Variants in ZNF248 observed in about 807,000 individuals in gnomAD.
The protein encoded by ZNF248 is zinc finger protein 248.
In ZNF248, 20 loss-of-function variants were observed where a neutral mutation model predicts 44.3. The ratio of observed to expected loss-of-function variants is 0.45; its 90% CI spans 0.32 to 0.66. The LOEUF is 0.66. ZNF248 is among the 30% of genes least tolerant of loss of function. The pLI, the probability that ZNF248 is intolerant of heterozygous loss-of-function variation, is 0.04. For synonymous variants in ZNF248, 224 were observed against 229.0 expected (o/e 0.98, Z 0.20); for missense variants, 654 against 677.0 (o/e 0.97, Z 0.38).
At chr10:37,764,385 C>T in the ZNF248 span, among the ~76,000 whole-genome samples, 9 of 152,162 alleles carry the variant, frequency 5.9e-5, no homozygotes, top group African/African-American at 2.2e-4. Flanking sequence ...AATGACAATG[C>T]GTGCCCGAAA....
At chr10:37,822,599 T>C (rs1253917635) in intron 6 of ZNF248, among the ~76,000 whole-genome samples, 3 of 152,156 alleles carry the variant, frequency 2.0e-5, no homozygotes, top group Non-Finnish European at 4.4e-5. Context: ...AAAATGTCTC[T>C]GTTATATTCA....
chr10:37,842,620 C>A (rs1373933375), intron 3 of ZNF248, among the ~76,000 whole-genome samples: 1 of 152,124 alleles, frequency 6.6e-6, no homozygotes, highest in Admixed American at 6.6e-5. Context: ...AGGACTGATG[C>A]AATATGCTTG....
chr10:37,775,473 T>A (rs2132768606), downstream of ZNF248: 1 of 152,230 alleles, frequency 6.6e-6, no homozygotes, highest in East Asian at 1.9e-4. Context: ...TTCAGCTTCC[T>A]AAAAACTGCT....
At chr10:37,764,142 T>C in the ZNF248 span, among the ~76,000 whole-genome samples, 2 of 152,180 alleles carry the variant, frequency 1.3e-5, no homozygotes, top group Non-Finnish European at 2.9e-5. Flanking sequence ...TATCACTGAA[T>C]TCTTTTTCTC....
At chr10:37,826,798 G>C (rs2054459205), downstream of ZNF248, among the ~76,000 whole-genome samples, 1 of 152,086 alleles carries the variant, frequency 6.6e-6, no homozygotes, top group Non-Finnish European at 1.5e-5. Flanking sequence ...AATCTCTTAT[G>C]ATTTTGTACA....
chr10:37,836,590 G>C (rs2057227910), intron 5 of ZNF248, among the ~76,000 whole-genome samples: 1 of 151,952 alleles, frequency 6.6e-6, no homozygotes, highest in Non-Finnish European at 1.5e-5. Context: ...TCTAATGTGG[G>C]AACTCCTCAA....
At chr10:37,843,537 G>A (rs1278128407) in intron 3 of ZNF248, among the ~76,000 whole-genome samples, 4 of 151,854 alleles carry the variant, frequency 2.6e-5, no homozygotes, top group African/African-American at 7.3e-5. Flanking sequence ...CAATAAAAAC[G>A]TAGAAGGTAT....
At chr10:37,823,402 AT>A (rs2053822050) in intron 6 of ZNF248, among the ~76,000 whole-genome samples, 1 of 151,536 alleles carries the variant, frequency 6.6e-6, no homozygotes, top group Non-Finnish European at 1.5e-5. Context: ...TAACAAAAAA[AT>A]GAAACGTATT....
At position 37,830,244 on chromosome 10, in the gene ZNF248, AT is replaced by A; in HGVS notation, c.*1370del. On this transcript the variant is annotated 3_prime_UTR_variant, in exon 6 of 6. Coordinates refer to ENST00000395867, the MANE Select transcript of ZNF248 (RefSeq NM_021045.3). ...AACCATTCTTATTAACAACATTTACATTACAGAATGACCCAGAGGTAGCTGA... is the reference window on the plus strand; with the variant it reads ...AACCATTCTTATTAACAACATTTACATACAGAATGACCCAGAGGTAGCTGA... The A allele has an allele frequency of 1.0e-6, 1 of 985,390 alleles. No homozygotes were observed. Among genetic ancestry groups the A allele is most frequent in the Non-Finnish European group, 1.2e-6 (1 of 829,924 alleles). 61.0% of individuals were successfully genotyped at this position (985,390 alleles called of 1,614,324 possible).
chr10:37,770,021 C>A, the ZNF248 span, among the ~76,000 whole-genome samples: 3 of 152,164 alleles, frequency 2.0e-5, no homozygotes, highest in Non-Finnish European at 2.9e-5. Context: ...CTCCCTTTCA[C>A]CATTGCTTCA....
intron 6 of ZNF248, among the ~76,000 whole-genome samples, chr10:37,792,363 A>G (rs1461294894): frequency 6.6e-6 from 1 of 152,230 alleles, no homozygotes; most frequent in African/African-American, 2.4e-5. Flanking sequence ...GGCCACATTG[A>G]CATAAATGGC....
chr10:37,831,290 A>C lies in ZNF248; in HGVS notation c.*325T>G, dbSNP rs1020767045. On this transcript the variant is annotated 3_prime_UTR_variant, in exon 6 of 6. Coordinates refer to ENST00000395867, the MANE Select transcript of ZNF248 (RefSeq NM_021045.3). The stretch of plus-strand genomic sequence containing the variant: ...ATATGTTTAATGCTGCTGTCATTCA[A>C]CTTTTATAAGCTTCAGATTCCACTG... The C allele has an allele frequency of 6.5e-7, 1 of 1,549,622 alleles. No individual in the cohort carries two copies.
At chr10:37,846,855 C>T (rs1148286) in intron 3 of ZNF248, among the ~76,000 whole-genome samples, 9,124 of 152,158 alleles carry the variant, frequency 0.06, 354 homozygotes, top group Middle Eastern at 0.095. Context: ...AAATACACTA[C>T]AGTAAATAAA....
At chr10:37,768,564 T>C in the ZNF248 span, among the ~76,000 whole-genome samples, 4 of 152,152 alleles carry the variant, frequency 2.6e-5, no homozygotes, top group African/African-American at 9.7e-5. Flanking sequence ...AGATGTTCTT[T>C]CAAACCAACA....
chr10:37,771,462 G>T, the ZNF248 span, among the ~76,000 whole-genome samples: 1 of 152,160 alleles, frequency 6.6e-6, no homozygotes, highest in Admixed American at 6.5e-5. Context: ...AAGAGTTCAT[G>T]TCCTTTGTAG....
chr10:37,851,768 C>CAAAAAAAAAAAAA lies in ZNF248; in HGVS notation c.15+4515_15+4527dup, dbSNP rs57501241. ...ATCACTATATACCCATCAGAATGACCAAAAAAAAAAAAAAAAAAAAAAAAA... is the reference window on the plus strand; with the variant it reads ...ATCACTATATACCCATCAGAATGACCAAAAAAAAAAAAAAAAAAAAAAAAAAAAAAAAAAAAAA... On this transcript the variant is annotated intron_variant, in intron 3 of 5. Transcript: ENST00000395867. Among the ~76,000 whole-genome samples, 5 of 32,054 alleles carry CAAAAAAAAAAAAA rather than the reference C, an allele frequency of 1.6e-4. 2 individuals carry two copies. Among genetic ancestry groups the CAAAAAAAAAAAAA allele is most frequent in the Non-Finnish European group, 2.2e-4 (4 of 18,032 alleles). The allele number at this position is 32,054 out of a possible 152,430, so 21.0% of individuals were successfully genotyped here.
chr10:37,777,117 T>C (rs2046662161), intron 6 of ZNF248, among the ~76,000 whole-genome samples: 1 of 152,140 alleles, frequency 6.6e-6, no homozygotes, highest in African/African-American at 2.4e-5. Flanking sequence ...CTTACTCTGA[T>C]TGAGAGCTCT....
chr10:37,771,350 T>C, the ZNF248 span, among the ~76,000 whole-genome samples: 1 of 152,034 alleles, frequency 6.6e-6, no homozygotes, highest in Admixed American at 6.6e-5. Flanking sequence ...CTATTCACAA[T>C]AGCAAAGACT....
At chr10:37,809,723 T>C (rs2051193141) in intron 6 of ZNF248, among the ~76,000 whole-genome samples, 1 of 152,218 alleles carries the variant, frequency 6.6e-6, no homozygotes, top group Non-Finnish European at 1.5e-5. Flanking sequence ...TCTGTATGTT[T>C]TGTTTCTGTT....
Sources: gnomAD v4.1 joint callset for allele counts (sites outside exome capture counted in the v4.1 genomes callset) on GRCh38, gnomAD v4.1.1 for gene constraint, MANE v1.5 for transcripts, NCBI Gene and HGNC (gene_info 2026-07-23, HGNC 2026-07-21) for gene names.